Variants in GFPT1 observed in about 807,000 individuals in gnomAD.
GFPT1 encodes glutamine--fructose-6-phosphate transaminase 1.
A neutral mutation model predicts 92.0 loss-of-function variants in GFPT1; 40 were observed. That is an observed-to-expected ratio of 0.43 (90% CI 0.34 to 0.57). The LOEUF (loss-of-function observed/expected upper bound fraction) is 0.57, where lower values mean the gene tolerates loss of function less well. GFPT1 is among the 20% of genes least tolerant of loss of function. The pLI is 0.02. For missense variants in GFPT1, 448 were observed against 869.1 expected, an observed-to-expected ratio of 0.52 and a Z score of 6.09; for synonymous variants, 269 against 280.6, an observed-to-expected ratio of 0.96 and a Z score of 0.41.
chr2:69,347,388 A>G (rs1420855110), intron 11 of GFPT1, among the ~76,000 whole-genome samples: 3 of 152,030 alleles, frequency 2.0e-5, no homozygotes, highest in African/African-American at 7.2e-5. Flanking sequence ...CCCATCAGAA[A>G]GGAATAAAAT....
chr2:69,363,480 C>G (rs1671524455), intron 4 of GFPT1, 65 bp downstream of exon 4: 2 of 1,455,590 alleles, frequency 1.4e-6, no homozygotes, highest in South Asian at 2.3e-5. Context: ...AATCTAAAAG[C>G]CTTCATTCTG....
intron 1 of GFPT1, among the ~76,000 whole-genome samples, chr2:69,377,712 G>A (rs1178734395): frequency 1.3e-5 from 2 of 151,478 alleles, no homozygotes; most frequent in Admixed American, 6.6e-5. Context: ...GAAGAAGGAA[G>A]GGGATTAGCC....
At chr2:69,346,441 T>C (rs929845599) in intron 11 of GFPT1, among the ~76,000 whole-genome samples, 4 of 152,128 alleles carry the variant, frequency 2.6e-5, no homozygotes, top group African/African-American at 4.8e-5. Flanking sequence ...GGTTTCACCA[T>C]ACTGACCAGG....
At position 69,373,772 on chromosome 2, in the gene GFPT1, T is replaced by C. The variant is rs140840400; in HGVS notation, c.115+234A>G. 0.011 allele frequency among the ~76,000 whole-genome samples: 1,600 copies of C among 152,302 alleles called. 29 individuals carry two copies. The highest frequency in any genetic ancestry group is 0.036 in the African/African-American group (1,499 of 41,550). ...TGTTTTACCACAATAATCCCCCATATGATGTTTTTACAATAATATTCTTAA... is the reference window on the plus strand; with the variant it reads ...TGTTTTACCACAATAATCCCCCATACGATGTTTTTACAATAATATTCTTAA... On this transcript the variant is annotated intron_variant, in intron 2 of 19. Transcript: ENST00000357308.
intron 11 of GFPT1, among the ~76,000 whole-genome samples, 168 bp downstream of exon 11, chr2:69,348,003 G>A (rs751914493): frequency 6.6e-6 from 1 of 152,176 alleles, no homozygotes; most frequent in Non-Finnish European, 1.5e-5. Flanking sequence ...TGTAAAAACA[G>A]CAGATAATTT....
At chr2:69,381,246 G>C (rs542721678) in intron 1 of GFPT1, among the ~76,000 whole-genome samples, 2 of 152,214 alleles carry the variant, frequency 1.3e-5, no homozygotes, top group East Asian at 3.9e-4. Context: ...GCCTCCCAAA[G>C]TGCTGGGATT....
intron 1 of GFPT1, among the ~76,000 whole-genome samples, chr2:69,379,036 G>A (rs1404775546): frequency 2.6e-5 from 4 of 152,112 alleles, no homozygotes; most frequent in Non-Finnish European, 5.9e-5. Flanking sequence ...CTTGAGCTCA[G>A]GAGTTCGAAA....
At chr2:69,373,905 T>C (rs1430840791) in intron 2 of GFPT1, 101 bp downstream of exon 2, 3 of 658,968 alleles carry the variant, frequency 4.6e-6, no homozygotes, top group East Asian at 5.9e-5. Flanking sequence ...TTACACTTAC[T>C]CAAAACAAAA....
In GFPT1 at chr2:69,364,852, G is replaced by A. The variant is rs577011669; in HGVS notation, c.224-1182C>T. ...TCTACTAAAACTACAAAAATTAGCC[G>A]GGTGTGGTGGTGCGCGCCTGTAATC... is the stretch of plus-strand genomic sequence containing the variant. On this transcript the variant is annotated intron_variant, in intron 3 of 19. Transcript: ENST00000357308. Among the ~76,000 whole-genome samples the A allele has an allele frequency of 5.9e-5, 9 of 151,974 alleles. No individual in the cohort carries two copies. The South Asian group carries it at 8.3e-4, about 14-fold the overall frequency.
Position 69,365,111 on chromosome 2 carries a change from C to T in GFPT1, c.224-1441G>A, listed in dbSNP as rs6724399. On this transcript the variant is annotated intron_variant, in intron 3 of 19. Transcript: ENST00000357308. ...GCTCCAGTTATTAACTAGTAATGCT[C>T]TTAATTTCCTAAATATAAAATTAAT... Among the ~76,000 whole-genome samples, 1,004 of 148,088 alleles carry T rather than the reference C, an allele frequency of 6.8e-3. 9 individuals carry two copies. Among genetic ancestry groups the T allele is most frequent in the African/African-American group, 0.023 (950 of 40,458 alleles).
At chr2:69,351,056 T>A (rs1230702102) in intron 9 of GFPT1, among the ~76,000 whole-genome samples, 3 of 152,186 alleles carry the variant, frequency 2.0e-5, no homozygotes, top group Admixed American at 2.0e-4. Flanking sequence ...ACAAAACAGA[T>A]GCATATCACT....
chr2:69,352,820 C>T (rs1211990526), intron 9 of GFPT1, among the ~76,000 whole-genome samples: 9 of 150,216 alleles, frequency 6.0e-5, no homozygotes, highest in Non-Finnish European at 1.0e-4. Context: ...CCGAGGTGGG[C>T]GGATCACCTG....
chr2:69,355,979 CTTTCTT>C (rs1558758171), intron 7 of GFPT1, among the ~76,000 whole-genome samples: 8 of 123,418 alleles, frequency 6.5e-5, no homozygotes, highest in African/African-American at 2.2e-4. Context: ...AATATATTTG[CTTTCTT>C]TTTTTTTTTT....
intron 6 of GFPT1, 32 bp downstream of exon 6, chr2:69,358,297 G>A: frequency 1.3e-6 from 2 of 1,573,570 alleles, no homozygotes; most frequent in Non-Finnish European, 1.7e-6. Context: ...ATTAATGTTG[G>A]CATAATTATC....
At chr2:69,335,722 T>A (rs1398158249) in intron 15 of GFPT1, among the ~76,000 whole-genome samples, 2 of 152,102 alleles carry the variant, frequency 1.3e-5, no homozygotes, top group Non-Finnish European at 2.9e-5. Context: ...AATATCGAAA[T>A]ACCCAAGAAA....
At chr2:69,374,423 C>T (rs1417256788) in intron 1 of GFPT1, among the ~76,000 whole-genome samples, 2 of 151,882 alleles carry the variant, frequency 1.3e-5, no homozygotes, top group Non-Finnish European at 2.9e-5. Flanking sequence ...ACACCATTCT[C>T]CTGCCTCAGC....
intron 2 of GFPT1, 24 bp from the exon 3 acceptor site, chr2:69,370,132 G>A (rs758375821): frequency 7.1e-7 from 1 of 1,402,120 alleles, no homozygotes; most frequent in Admixed American, 1.7e-5. Context: ...AGGTAAAAAA[G>A]CAAAATTTAG....
chr2:69,326,597 G>C (rs982835133), intron 19 of GFPT1, among the ~76,000 whole-genome samples: 9 of 152,128 alleles, frequency 5.9e-5, no homozygotes, highest in Non-Finnish European at 7.4e-5. Flanking sequence ...GTGTGGGACA[G>C]TTCCAAACAA....
At chr2:69,374,404 C>T (rs113142566) in intron 1 of GFPT1, among the ~76,000 whole-genome samples, 1 of 151,836 alleles carries the variant, frequency 6.6e-6, no homozygotes, top group African/African-American at 2.4e-5. Context: ...AGCTCCGCCT[C>T]CCGGGTTCAC....
Sources: allele counts gnomAD v4.1 joint callset (sites outside exome capture counted in the v4.1 genomes callset), GRCh38; gene constraint gnomAD v4.1.1; transcripts MANE v1.5; gene names NCBI Gene and HGNC (gene_info 2026-07-23, HGNC 2026-07-21).